The following DNAJC10 variants were observed in gnomAD, a reference collection of about 807,000 sequenced individuals.
DNAJC10 encodes DnaJ heat shock protein family (Hsp40) member C10.
A neutral mutation model predicts 115.0 loss-of-function variants in DNAJC10; 101 were observed. The observed-to-expected ratio is 0.88, with a 90% CI of 0.75 to 1.04. The LOEUF is 1.04. Among genes scored for constraint, DNAJC10 ranks in the 50% least tolerant of loss-of-function variants. The pLI is 0.00. For synonymous variants in DNAJC10, 307 were observed against 301.5 expected (o/e 1.02, Z -0.19); for missense variants, 981 against 928.8 (o/e 1.06, Z -0.73).
chr2:182,761,460 G>A (rs762800774), intron 21 of DNAJC10, among the ~76,000 whole-genome samples: 2 of 152,132 alleles, frequency 1.3e-5, no homozygotes, highest in African/African-American at 4.8e-5. Context: ...GTAAACCCCT[G>A]CCTTGGGGAC....
At position 182,719,679 on chromosome 2, in the gene DNAJC10, T is replaced by A. The variant is rs187599357; in HGVS notation, c.205-328T>A. 1.2e-3 allele frequency among the ~76,000 whole-genome samples: 183 copies of A among 152,250 alleles called. 1 individual carries two copies. Among genetic ancestry groups the A allele is most frequent in the African/African-American group, 4.2e-3 (173 of 41,540 alleles). ...TTGTTATAGGAGTAAAAAATATTTA[T>A]GAAATTAAGAGTTTCAACAGGCTTA... On this transcript the variant is annotated intron_variant, in intron 3 of 23. Transcript: ENST00000264065.
Position 182,768,821 on chromosome 2 carries a change from TTTTG to T in DNAJC10, c.2265+6032_2265+6035del, listed in dbSNP as rs530567568. 1.6e-4 allele frequency among the ~76,000 whole-genome samples: 24 copies of T among 152,234 alleles called. No homozygotes were observed. The South Asian group carries it at 1.9e-3, about 12-fold the overall frequency. On this transcript the variant is annotated intron_variant, in intron 22 of 23. Transcript: ENST00000264065. Reference sequence around the variant, plus strand: ...TGAGTTCGGTCCTCTGGGAACATCTTTTTGTTTGTTTGTTTTAATTATACTCTAA... The same window carrying T: ...TGAGTTCGGTCCTCTGGGAACATCTTTTTGTTTGTTTTAATTATACTCTAA...
In DNAJC10 at chr2:182,728,955, C is replaced by A; in HGVS notation, c.594C>A (p.Val198=). Residue 198 remains valine (V), a synonymous_variant, in exon 7 of 24, where the codon GTC becomes GTA. Coordinates refer to ENST00000264065, the MANE Select transcript of DNAJC10 (RefSeq NM_018981.4). ...DDRMLCRMKG[V]NSYPSLFIFR... is the part of the protein sequence containing the mutation. ...GAATGCTTTGCCGAATGAAAGGAGT[C>A]AACAGCTATCCCAGCCTCTTCATTT... 2 of 1,613,944 alleles carry A rather than the reference C, an allele frequency of 1.2e-6. No homozygotes were observed. Among genetic ancestry groups the A allele is most frequent in the Non-Finnish European group, 1.7e-6 (2 of 1,179,944 alleles).
rs1376096709 is a variant in DNAJC10, at chr2:182,781,670, A to G, written c.*4538A>G. 3.3e-5 allele frequency: 5 copies of G among 152,148 alleles called. No homozygotes were observed. Among genetic ancestry groups the G allele is most frequent in the Admixed American group, 3.3e-4 (5 of 15,266 alleles). 9.4% of individuals were successfully genotyped at this position (152,148 alleles called of 1,614,324 possible). ...TGATCGCCATTCTAACTGATGTGAC[A>G]TGGTATCTCATTGTGTTTTTGATTT... is the stretch of plus-strand genomic sequence containing the variant. On this transcript the variant is annotated 3_prime_UTR_variant, in exon 24 of 24. Transcript: ENST00000264065.
At chr2:182,727,475 T>C (rs1693319552) in intron 5 of DNAJC10, among the ~76,000 whole-genome samples, 1 of 152,236 alleles carries the variant, frequency 6.6e-6, no homozygotes, top group Admixed American at 6.5e-5. Context: ...TCTAAACCAA[T>C]ATGGCAATTT....
intron 12 of DNAJC10, 102 bp downstream of exon 12, chr2:182,740,490 A>C (rs1240498930): frequency 1.7e-6 from 2 of 1,143,066 alleles, no homozygotes; most frequent in African/African-American, 3.3e-5. Context: ...TCTAGAGAGA[A>C]TTGAAAGTAG....
At chr2:182,742,105 G>A (rs1179853987) in intron 13 of DNAJC10, among the ~76,000 whole-genome samples, 1 of 152,066 alleles carries the variant, frequency 6.6e-6, no homozygotes, top group Non-Finnish European at 1.5e-5. Context: ...AATTGTTTAG[G>A]AAATCCTCTC....
intron 2 of DNAJC10, among the ~76,000 whole-genome samples, chr2:182,717,655 A>G (rs191267644): frequency 6.6e-6 from 1 of 152,284 alleles, no homozygotes; most frequent in East Asian, 1.9e-4. Flanking sequence ...GCTCATTGCC[A>G]CCTTTGTGTT....
In DNAJC10 at chr2:182,779,819, A is replaced by T. The variant is rs993225850; in HGVS notation, c.*2687A>T. ...CGGTTATCAAAAAAACACATTTCCTATGGGACACACATTTCAAAGATGTTT... is the reference window on the plus strand; with the variant it reads ...CGGTTATCAAAAAAACACATTTCCTTTGGGACACACATTTCAAAGATGTTT... On this transcript the variant is annotated 3_prime_UTR_variant, in exon 24 of 24. Coordinates refer to ENST00000264065, the MANE Select transcript of DNAJC10 (RefSeq NM_018981.4). The T allele has an allele frequency of 1.3e-5, 2 of 152,296 alleles. No individual in the cohort carries two copies. The highest frequency in any genetic ancestry group is 4.8e-5 in the African/African-American group (2 of 41,560). 9.4% of individuals were successfully genotyped at this position (152,296 alleles called of 1,614,324 possible).
intron 5 of DNAJC10, among the ~76,000 whole-genome samples, chr2:182,723,675 A>G (rs552663903): frequency 6.6e-6 from 1 of 152,344 alleles, no homozygotes; most frequent in Admixed American, 6.5e-5. Flanking sequence ...TTCAGAAAAC[A>G]TCGGAATTAC....
intron 14 of DNAJC10, among the ~76,000 whole-genome samples, chr2:182,751,372 G>C (rs1270600124): frequency 5.9e-5 from 9 of 151,924 alleles, no homozygotes; most frequent in Admixed American, 5.9e-4. Flanking sequence ...TTGACCTCGT[G>C]ATCTGCCCAC....
At chr2:182,729,085 C>T (rs1234727933) in intron 7 of DNAJC10, 91 bp downstream of exon 7, 3 of 1,310,218 alleles carry the variant, frequency 2.3e-6, no homozygotes, top group African/African-American at 1.5e-5. Flanking sequence ...ATTTGCAGAA[C>T]ATTTTAAGTC....
At chr2:182,776,214 G>T (rs1694699807) in intron 23 of DNAJC10, among the ~76,000 whole-genome samples, 1 of 151,604 alleles carries the variant, frequency 6.6e-6, no homozygotes, top group African/African-American at 2.4e-5. Flanking sequence ...GAATTGTTAG[G>T]AATAAATATA....
Position 182,728,892 on chromosome 2 carries a change from G to A in DNAJC10, c.531G>A (p.Gly177=), listed in dbSNP as rs184116987. The change falls in exon 7 of 24, where the codon GGG becomes GGA. Residue 177 remains glycine (G), a synonymous_variant. Coordinates refer to ENST00000264065, the MANE Select transcript of DNAJC10 (RefSeq NM_018981.4). The stretch of plus-strand genomic sequence containing the variant: ...GAGACTTTGCTAAAGAAGTGGATGG[G>A]TTACTTCGAATTGGAGCTGTTAACT... ...TWRDFAKEVD[G]LLRIGAVNCG... is the part of the protein sequence containing the mutation. The A allele has an allele frequency of 1.5e-5, 24 of 1,614,060 alleles. No individual in the cohort carries two copies. In the Admixed American group the frequency reaches 3.3e-4, roughly 22 times the overall value.
intron 22 of DNAJC10, among the ~76,000 whole-genome samples, chr2:182,765,719 G>GT (rs1321727487): frequency 6.6e-6 from 1 of 151,966 alleles, no homozygotes; most frequent in African/African-American, 2.4e-5. Context: ...CATATTCCCC[G>GT]TTTTTTGTTT....
intron 1 of DNAJC10, 77 bp from the exon 2 acceptor site, chr2:182,716,939 C>T (rs1693008986): frequency 1.3e-5 from 2 of 152,208 alleles, no homozygotes; most frequent in African/African-American, 2.4e-5. Flanking sequence ...TTGATTGAGA[C>T]TATGCCCTCT....
intron 21 of DNAJC10, among the ~76,000 whole-genome samples, chr2:182,760,814 T>C (rs1694268509): frequency 6.6e-6 from 1 of 152,172 alleles, no homozygotes; most frequent in Admixed American, 6.6e-5. Flanking sequence ...TTTAAAGGTC[T>C]TACTAGCTAT....
rs367960543 is a variant in DNAJC10 at position 182,726,557 on chromosome 2, ATCTT to A, written c.419-2016_419-2013del. Among the ~76,000 whole-genome samples the A allele has an allele frequency of 3.0e-3, 459 of 152,232 alleles. 2 individuals are homozygous for A. Among genetic ancestry groups the A allele is most frequent in the African/African-American group, 0.011 (446 of 41,548 alleles). On this transcript the variant is annotated intron_variant, in intron 5 of 23. Coordinates refer to ENST00000264065, the MANE Select transcript of DNAJC10 (RefSeq NM_018981.4). Reference sequence around the variant, plus strand: ...AACAGCATTTCACGCTTCAGAGAAAATCTTTCAGGAAAGGAGACATCAATCAGTG... The same window carrying A: ...AACAGCATTTCACGCTTCAGAGAAAATCAGGAAAGGAGACATCAATCAGTG...
At chr2:182,757,326 A>G (rs1370906347) in intron 18 of DNAJC10, among the ~76,000 whole-genome samples, 2 of 152,234 alleles carry the variant, frequency 1.3e-5, no homozygotes, top group African/African-American at 2.4e-5. Flanking sequence ...GGTGTGAGTC[A>G]GTATAACACA....
Sources: gnomAD v4.1 joint callset for allele counts (sites outside exome capture counted in the v4.1 genomes callset) on GRCh38, gnomAD v4.1.1 for gene constraint, MANE v1.5 for transcripts, NCBI Gene and HGNC (gene_info 2026-07-23, HGNC 2026-07-21) for gene names.